INSL6: variants seen among roughly 807,000 people sequenced by gnomAD.
INSL6 encodes the protein insulin-like peptide INSL6.
In INSL6, 16 loss-of-function variants were observed where a neutral mutation model predicts 9.4. The ratio of observed to expected loss-of-function variants is 1.70; its 90% confidence interval spans 1.15 to 2.59. The LOEUF is 2.59. Among genes scored for constraint, INSL6 ranks in the 30% most tolerant of loss-of-function variants. The probability of loss-of-function intolerance (pLI) is 0.00; values close to 1 mark genes in which losing one functional copy is unlikely to be tolerated. For synonymous variants in INSL6, 154 were observed against 96.9 expected, an observed-to-expected ratio of 1.59 and a Z score of -3.46; for missense variants, 391 against 257.3, an observed-to-expected ratio of 1.52 and a Z score of -3.56.
intron 1 of INSL6, among the ~76,000 whole-genome samples, chr9:5,180,870 TTAG>T (rs1275488088): frequency 1.3e-5 from 2 of 152,202 alleles, no homozygotes; most frequent in African/African-American, 2.4e-5. Context: ...TAGACCCTTA[TTAG>T]TAGTTCTGCT....
chr9:5,169,027 G>A (rs1040866675), intron 1 of INSL6, among the ~76,000 whole-genome samples: 1 of 151,916 alleles, frequency 6.6e-6, no homozygotes, highest in African/African-American at 2.4e-5. Flanking sequence ...CAGGGTTCAA[G>A]TGGTTCTCCT....
chr9:5,040,893 A>G, the INSL6 span: 1 of 299,036 alleles, frequency 3.3e-6, no homozygotes, highest in Non-Finnish European at 6.4e-6. Flanking sequence ...GCGCTGCTGA[A>G]GCCTGGCCGG....
chr9:5,059,996 T>C, the INSL6 span, among the ~76,000 whole-genome samples: 13 of 152,194 alleles, frequency 8.5e-5, no homozygotes, highest in African/African-American at 3.1e-4. Context: ...TCTAGTTCAG[T>C]TCTGGACCAC....
chr9:5,038,335 T>C, the INSL6 span, among the ~76,000 whole-genome samples: 2 of 152,158 alleles, frequency 1.3e-5, no homozygotes, highest in African/African-American at 2.4e-5. Flanking sequence ...GTGGCTTCAC[T>C]TGTGAATTCT....
At chr9:5,037,108 G>A in the INSL6 span, among the ~76,000 whole-genome samples, 2 of 152,184 alleles carry the variant, frequency 1.3e-5, no homozygotes, top group Non-Finnish European at 2.9e-5. Flanking sequence ...ATGAAAAAAT[G>A]CTCATCACCA....
chr9:5,163,190 T>C (rs978840374), downstream of INSL6, among the ~76,000 whole-genome samples: 1 of 152,224 alleles, frequency 6.6e-6, no homozygotes, highest in African/African-American at 2.4e-5. Flanking sequence ...GGTGAGACTT[T>C]AGAACTGCAT....
At chr9:5,039,896 T>C in the INSL6 span, among the ~76,000 whole-genome samples, 1 of 152,208 alleles carries the variant, frequency 6.6e-6, no homozygotes, top group Non-Finnish European at 1.5e-5. Flanking sequence ...CCTTAATTGA[T>C]CTGTATGTTC....
At chr9:5,140,428 A>G (rs1586858359) in intron 2 of INSL6, among the ~76,000 whole-genome samples, 1 of 152,160 alleles carries the variant, frequency 6.6e-6, no homozygotes, top group Middle Eastern at 3.4e-3. Context: ...CTTTCTTTCC[A>G]TTCTCTTTCA....
At chr9:5,123,863 A>G (rs1024627932), downstream of INSL6, among the ~76,000 whole-genome samples, 32 of 150,262 alleles carry the variant, frequency 2.1e-4, no homozygotes, top group South Asian at 8.4e-4. Flanking sequence ...GGAGTCAGAC[A>G]TATCTCACTG....
At chr9:5,132,144 A>G (rs1824304376) in intron 3 of INSL6, 1 of 152,232 alleles carries the variant, frequency 6.6e-6, no homozygotes. Flanking sequence ...GTTGAATCCT[A>G]GAACAGTGAG....
At chr9:5,115,865 TATGGAC>T in the INSL6 span, among the ~76,000 whole-genome samples, 57 of 152,034 alleles carry the variant, frequency 3.7e-4, no homozygotes, top group African/African-American at 1.4e-3. Flanking sequence ...AATGACAACA[TATGGAC>T]ACAGGGAGGG....
intron 2 of INSL6, among the ~76,000 whole-genome samples, chr9:5,157,345 G>C (rs1314398426): frequency 6.6e-6 from 1 of 152,034 alleles, no homozygotes; most frequent in East Asian, 1.9e-4. Context: ...TTAATTTAAA[G>C]ATGTAATATA....
the INSL6 span, among the ~76,000 whole-genome samples, chr9:5,083,775 C>G: frequency 2.2e-5 from 2 of 91,310 alleles, no homozygotes; most frequent in Admixed American, 9.5e-5. Flanking sequence ...ATAAAGTTAT[C>G]TTTTCAAGTA....
chr9:5,089,267 G>T, the INSL6 span, among the ~76,000 whole-genome samples: 1 of 152,140 alleles, frequency 6.6e-6, no homozygotes, highest in Non-Finnish European at 1.5e-5. Context: ...TGCTGGGCAT[G>T]GTGGCTCATG....
At chr9:5,136,827 A>G (rs554543110) in intron 2 of INSL6, among the ~76,000 whole-genome samples, 1 of 152,342 alleles carries the variant, frequency 6.6e-6, no homozygotes, top group Admixed American at 6.5e-5. Context: ...GAGGAAGTCA[A>G]ATTGTCTCTG....
the INSL6 span, chr9:5,090,432 C>T: frequency 2.0e-6 from 3 of 1,513,038 alleles, no homozygotes; most frequent in African/African-American, 1.4e-5. Flanking sequence ...TTATTTCCAC[C>T]TTTATGTTAA....
the INSL6 span, among the ~76,000 whole-genome samples, chr9:5,088,707 T>C: frequency 1.3e-4 from 20 of 152,178 alleles, no homozygotes; most frequent in Admixed American, 2.6e-4. Context: ...CTGGCAGGGA[T>C]TGGTTTCTAG....
chr9:5,139,935 A>C (rs545104723), intron 2 of INSL6, among the ~76,000 whole-genome samples: 33 of 152,334 alleles, frequency 2.2e-4, no homozygotes, highest in African/African-American at 7.9e-4. Context: ...AAAATGTGTC[A>C]GATGTCTTTT....
At chr9:5,126,277 A>C (rs1026225395) in intron 3 of INSL6, 1 of 1,284,820 alleles carries the variant, frequency 7.8e-7, no homozygotes, top group East Asian at 2.4e-5. Context: ...GAAATTGAGA[A>C]AGAATTTTGC....
Sources: gnomAD v4.1 joint callset for allele counts (sites outside exome capture counted in the v4.1 genomes callset) on GRCh38, gnomAD v4.1.1 for gene constraint, MANE v1.5 for transcripts, NCBI Gene and HGNC (gene_info 2026-07-23, HGNC 2026-07-21) for gene names.